The following DPF3 variants were observed in gnomAD, a reference collection of about 807,000 sequenced individuals.
DPF3 encodes the protein double PHD fingers 3.
In DPF3, 18 loss-of-function variants were observed where a neutral mutation model predicts 56.8. The observed-to-expected ratio is 0.32, with a 90% CI of 0.22 to 0.47. The LOEUF is 0.47. Ranked by LOEUF, DPF3 falls within the 20% of genes least tolerant of loss-of-function variation. The probability of loss-of-function intolerance (pLI) is 1.00; values close to 1 mark genes in which losing one functional copy is unlikely to be tolerated. For synonymous variants in DPF3, 188 were observed against 180.2 expected, an observed-to-expected ratio of 1.04 and a Z score of -0.35; for missense variants, 403 against 488.8, an observed-to-expected ratio of 0.82 and a Z score of 1.65.
At chr14:72,861,737 G>GAGAAAGAAAAAGAAAGAAAGAA (rs1885419991) in intron 1 of DPF3, among the ~76,000 whole-genome samples, 1 of 84,536 alleles carries the variant, frequency 1.2e-5, no homozygotes, top group East Asian at 3.4e-4. Context: ...AAGAAAGAAA[G>GAGAAAGAAAAAGAAAGAAAGAA]AGAAAGAAAG....
intron 7 of DPF3, among the ~76,000 whole-genome samples, chr14:72,681,266 C>A (rs1172259652): frequency 6.6e-6 from 1 of 152,148 alleles, no homozygotes; most frequent in Non-Finnish European, 1.5e-5. Context: ...CATCCTAAGT[C>A]CCTCTTATAT....
chr14:72,775,865 A>C (rs971351291), intron 1 of DPF3, among the ~76,000 whole-genome samples: 2 of 152,184 alleles, frequency 1.3e-5, no homozygotes, highest in Non-Finnish European at 2.9e-5. Flanking sequence ...TTAATTAGCC[A>C]AAATCGTCAC....
At chr14:72,683,353 C>T (rs913263338) in intron 7 of DPF3, among the ~76,000 whole-genome samples, 4 of 144,752 alleles carry the variant, frequency 2.8e-5, no homozygotes, top group African/African-American at 1.0e-4. Flanking sequence ...AAAGCAAATT[C>T]CAGGGCCTGA....
chr14:72,856,585 C>A (rs1169859913), intron 1 of DPF3, among the ~76,000 whole-genome samples: 1 of 152,090 alleles, frequency 6.6e-6, no homozygotes, highest in Non-Finnish European at 1.5e-5. Context: ...TGGATCCCAC[C>A]CACAGGAGAT....
At chr14:72,624,869 C>T (rs1022036444) in intron 9 of DPF3, among the ~76,000 whole-genome samples, 2 of 152,180 alleles carry the variant, frequency 1.3e-5, no homozygotes, top group African/African-American at 4.8e-5. Flanking sequence ...AGCAAGAATA[C>T]CACTAAAGTA....
Position 72,613,908 on chromosome 14 carries a change from G to A in DPF3, c.*5389C>T, listed in dbSNP as rs1015270914. On this transcript the variant is annotated 3_prime_UTR_variant, in exon 11 of 11. Transcript: ENST00000556509. ...CAGTTCCCACTCGCTCTGCCTGGGA[G>A]GTTGTCTATCCTCCCACATCCCGGG... is the stretch of plus-strand genomic sequence containing the variant. Among the ~76,000 whole-genome samples, 1 of 152,168 alleles carries A rather than the reference G, an allele frequency of 6.6e-6. No homozygotes were observed. Among genetic ancestry groups the A allele is most frequent in the Non-Finnish European group, 1.5e-5 (1 of 68,032 alleles).
chr14:72,742,002 G>A (rs572939090), intron 3 of DPF3, among the ~76,000 whole-genome samples: 7 of 152,344 alleles, frequency 4.6e-5, no homozygotes, highest in East Asian at 3.9e-4. Context: ...TGGGGAACAC[G>A]AGCAGAGCTG....
chr14:72,622,306 A>C (rs1884503309), intron 9 of DPF3, among the ~76,000 whole-genome samples: 1 of 152,198 alleles, frequency 6.6e-6, no homozygotes, highest in African/African-American at 2.4e-5. Context: ...CAGGCAGAGA[A>C]AAAAAGACTG....
At chr14:72,800,621 G>A (rs1892845910) in intron 1 of DPF3, among the ~76,000 whole-genome samples, 1 of 151,952 alleles carries the variant, frequency 6.6e-6, no homozygotes, top group Non-Finnish European at 1.5e-5. Context: ...TGCATGCACA[G>A]ATGGATGCAT....
At chr14:72,814,759 G>A (rs907505710) in intron 1 of DPF3, among the ~76,000 whole-genome samples, 10 of 151,434 alleles carry the variant, frequency 6.6e-5, no homozygotes, top group Admixed American at 6.6e-5. Flanking sequence ...GCAGTGAGCC[G>A]AGATCGCGCC....
At chr14:72,877,841 A>G (rs1886173017) in intron 1 of DPF3, among the ~76,000 whole-genome samples, 1 of 152,200 alleles carries the variant, frequency 6.6e-6, no homozygotes, top group Non-Finnish European at 1.5e-5. Flanking sequence ...CCCCAGAGAC[A>G]TGTGTAATTA....
At chr14:72,774,970 A>G (rs1337194138) in intron 1 of DPF3, among the ~76,000 whole-genome samples, 1 of 152,216 alleles carries the variant, frequency 6.6e-6, no homozygotes, top group African/African-American at 2.4e-5. Flanking sequence ...AGTGGAACAG[A>G]ACTTTCACAG....
intron 2 of DPF3, among the ~76,000 whole-genome samples, chr14:72,761,679 AATTAAAAG>A (rs1366730477): frequency 6.6e-6 from 1 of 151,948 alleles, no homozygotes; most frequent in Non-Finnish European, 1.5e-5. Flanking sequence ...AAAATTAAAA[AATTAAAAG>A]AAATAAGAAA....
rs1884212773 is a variant in DPF3 at position 72,618,302 on chromosome 14, T to C, written c.*995A>G. Among the ~76,000 whole-genome samples, 1 of 152,176 alleles carries C rather than the reference T, an allele frequency of 6.6e-6. No homozygotes were observed. Among genetic ancestry groups the C allele is most frequent in the South Asian group, 2.1e-4 (1 of 4,824 alleles). On this transcript the variant is annotated 3_prime_UTR_variant, in exon 11 of 11. Coordinates refer to ENST00000556509, the MANE Select transcript of DPF3 (RefSeq NM_001280542.3). ...TACTTGGAAAAAGGAATTCAGAGCG[T>C]CGCATCAATACTGAAGGTTTCTCAA...
At chr14:72,757,678 T>C (rs1890894030) in intron 2 of DPF3, among the ~76,000 whole-genome samples, 2 of 152,260 alleles carry the variant, frequency 1.3e-5, no homozygotes, top group South Asian at 2.1e-4. Flanking sequence ...AGCATTTACA[T>C]TGTATTAGGT....
chr14:72,760,549 G>A (rs983464781), intron 2 of DPF3, among the ~76,000 whole-genome samples: 2 of 152,190 alleles, frequency 1.3e-5, no homozygotes, highest in African/African-American at 4.8e-5. Flanking sequence ...GATGTCTGAG[G>A]TGAGGAGGGG....
At chr14:72,623,802 A>T (rs966327976) in intron 9 of DPF3, among the ~76,000 whole-genome samples, 1 of 152,324 alleles carries the variant, frequency 6.6e-6, no homozygotes, top group East Asian at 1.9e-4. Flanking sequence ...CAAAATTAGC[A>T]CCTCTAGCAC....
At chr14:72,881,788 G>A (rs1465163395) in intron 1 of DPF3, among the ~76,000 whole-genome samples, 1 of 152,180 alleles carries the variant, frequency 6.6e-6, no homozygotes, top group Non-Finnish European at 1.5e-5. Flanking sequence ...AGGGGCTTCA[G>A]GAGGGGGTGG....
intron 8 of DPF3, among the ~76,000 whole-genome samples, chr14:72,643,867 A>T (rs966853608): frequency 2.6e-5 from 4 of 152,172 alleles, no homozygotes; most frequent in Admixed American, 2.0e-4. Context: ...CACAGGAAGG[A>T]TCCCCTTTTT....
Sources: gnomAD v4.1 joint callset for allele counts (sites outside exome capture counted in the v4.1 genomes callset) on GRCh38, gnomAD v4.1.1 for gene constraint, MANE v1.5 for transcripts, NCBI Gene and HGNC (gene_info 2026-07-23, HGNC 2026-07-21) for gene names.